The following FBXL14 variants were observed in gnomAD, a reference collection of about 807,000 sequenced individuals.
The protein encoded by FBXL14 is F-box and leucine rich repeat protein 14, also known as F-box/LRR-repeat protein 14.
Under a neutral mutation model 24.5 loss-of-function variants are expected in FBXL14, and 11 were observed. The ratio of observed to expected loss-of-function variants is 0.45; its 90% CI spans 0.28 to 0.74. FBXL14 has a LOEUF of 0.74. Ranked by LOEUF, FBXL14 falls within the 30% of genes least tolerant of loss-of-function variation. The probability of loss-of-function intolerance (pLI) is 0.12; values close to 1 mark genes in which losing one functional copy is unlikely to be tolerated. For missense variants in FBXL14, 384 were observed against 545.6 expected (o/e 0.70, Z 2.95); for synonymous variants, 294 against 240.4 (o/e 1.22, Z -2.06).
rs772443251 is a variant in FBXL14, at chr12:1,568,773, A to G, written c.1195-1963T>C. Among the ~76,000 whole-genome samples the G allele has an allele frequency of 3.1e-4, 47 of 152,136 alleles. 1 individual carries two copies. Among genetic ancestry groups the G allele is most frequent in the Non-Finnish European group, 6.0e-4 (41 of 68,026 alleles). Reference sequence around the variant, plus strand: ...CTACTCGCGAGGCTGAGGCAAGAGAATCACTTGAACCCAGGAGGTGGAGGT... The same window carrying G: ...CTACTCGCGAGGCTGAGGCAAGAGAGTCACTTGAACCCAGGAGGTGGAGGT... On this transcript the variant is annotated intron_variant, in intron 1 of 1. Transcript: ENST00000339235.
At chr12:1,586,106 TA>T (rs2094475880) in intron 1 of FBXL14, among the ~76,000 whole-genome samples, 1 of 152,138 alleles carries the variant, frequency 6.6e-6, no homozygotes, top group African/African-American at 2.4e-5. Flanking sequence ...TGAATAACCC[TA>T]TATAATGCTT....
rs143388925 is a variant in FBXL14 at position 1,567,681 on chromosome 12, T to C, written c.1195-871A>G. Among the ~76,000 whole-genome samples the C allele has an allele frequency of 5.9e-5, 9 of 152,080 alleles. No individual in the cohort carries two copies. The highest frequency in any genetic ancestry group is 2.2e-4 in the African/African-American group (9 of 41,492). On this transcript the variant is annotated intron_variant, in intron 1 of 1. Transcript: ENST00000339235. This position sits in a 1 kb window ranked among gnomAD's most constrained non-coding sequence, Gnocchi z 4.8. ...GCAGCATGCAGGAACAGGTGCGCAA[T>C]GAAAGCAGGGAGATGGGAATCTAAG...
chr12:1,582,261 GAGAA>G (rs1472814130), intron 1 of FBXL14, among the ~76,000 whole-genome samples: 3 of 152,134 alleles, frequency 2.0e-5, no homozygotes, highest in East Asian at 1.9e-4. Context: ...AGAAAAGAAA[GAGAA>G]AGAAAACGGA....
chr12:1,585,215 G>A (rs1240319887), intron 1 of FBXL14, among the ~76,000 whole-genome samples: 3 of 152,140 alleles, frequency 2.0e-5, no homozygotes, highest in African/African-American at 7.2e-5. Context: ...TGACTAACAT[G>A]GTGAAACCCC....
intron 1 of FBXL14, among the ~76,000 whole-genome samples, chr12:1,581,187 T>C (rs1016624994): frequency 1.4e-5 from 2 of 142,516 alleles, no homozygotes; most frequent in Non-Finnish European, 3.1e-5. Flanking sequence ...TGGAGTCCTT[T>C]AATGGGCGAA....
Position 1,593,557 on chromosome 12 carries a change from G to A in FBXL14, c.510C>T (p.Arg170=). 3 of 1,614,144 alleles carry A rather than the reference G, an allele frequency of 1.9e-6. No individual in the cohort carries two copies. Among genetic ancestry groups the A allele is most frequent in the Non-Finnish European group, 2.5e-6 (3 of 1,180,038 alleles). The change falls in exon 1 of 2, where the codon CGC becomes CGT. Residue 170 remains arginine, a synonymous_variant. Transcript: ENST00000339235. This position sits in a 1 kb window ranked among gnomAD's most constrained non-coding sequence, Gnocchi z 7.4. ...GLLLIAWGLQ[R]LKSLNLRSCR... is the part of the protein sequence containing the mutation. ...AGCTGCGGAGGTTAAGGCTCTTGAG[G>A]CGCTGCAGACCCCAGGCGATGAGCA...
Position 1,575,065 on chromosome 12 carries a change from T to G in FBXL14, c.1195-8255A>C, listed in dbSNP as rs575359107. Among the ~76,000 whole-genome samples, 4 of 152,318 alleles carry G rather than the reference T, an allele frequency of 2.6e-5. No individual in the cohort carries two copies. In the South Asian group the frequency reaches 6.2e-4, roughly 24 times the overall value. ...TCTGAAAAATATCTCTGCTTGTCTTTTATTTGCCCTTTAAAGTCTGTGCAA... is the reference window on the plus strand; with the variant it reads ...TCTGAAAAATATCTCTGCTTGTCTTGTATTTGCCCTTTAAAGTCTGTGCAA... On this transcript the variant is annotated intron_variant, in intron 1 of 1. Coordinates refer to ENST00000339235, the MANE Select transcript of FBXL14 (RefSeq NM_152441.3).
chr12:1,587,110 G>A (rs943869341), intron 1 of FBXL14, among the ~76,000 whole-genome samples: 7 of 152,018 alleles, frequency 4.6e-5, no homozygotes, highest in African/African-American at 1.5e-4. Context: ...GGTGGCACAC[G>A]CCTGTAATCC....
At chr12:1,580,383 C>G (rs1352637403) in intron 1 of FBXL14, among the ~76,000 whole-genome samples, 2 of 152,168 alleles carry the variant, frequency 1.3e-5, no homozygotes, top group Non-Finnish European at 2.9e-5. Context: ...CATATTGCTT[C>G]CAAACTCTCT....
Position 1,593,457 on chromosome 12 carries a change from G to A in FBXL14, c.610C>T (p.Leu204=). The A allele has an allele frequency of 6.2e-7, 1 of 1,614,048 alleles. No homozygotes were observed. Among genetic ancestry groups the A allele is most frequent in the Non-Finnish European group, 8.5e-7 (1 of 1,180,044 alleles). The part of the protein sequence containing the change: ...TRSAAEGCLG[L]EQLTLQDCQK... The stretch of plus-strand genomic sequence containing the variant: ...CAGTCCTGTAGCGTGAGCTGCTCCA[G>A]GCCCAGGCAGCCCTCCGCCGCGCTG... Residue 204 remains leucine (L), a synonymous_variant, in exon 1 of 2, where the codon CTG becomes TTG. Coordinates refer to ENST00000339235, the MANE Select transcript of FBXL14 (RefSeq NM_152441.3). The surrounding 1 kb of genome is among the most constrained non-coding windows in gnomAD (Gnocchi z 7.4).
chr12:1,568,887 CA>C (rs2094440666), intron 1 of FBXL14, among the ~76,000 whole-genome samples: 1 of 151,996 alleles, frequency 6.6e-6, no homozygotes, highest in African/African-American at 2.4e-5. Flanking sequence ...CATAGTGGGT[CA>C]AAAAATAAGA....
chr12:1,570,389 C>T (rs2094443412), intron 1 of FBXL14, among the ~76,000 whole-genome samples: 1 of 152,170 alleles, frequency 6.6e-6, no homozygotes, highest in South Asian at 2.1e-4. Context: ...AGGGAGCACT[C>T]ATCTCTGGCA....
intron 1 of FBXL14, among the ~76,000 whole-genome samples, chr12:1,578,321 T>C (rs1180212946): frequency 6.6e-6 from 1 of 152,242 alleles, no homozygotes; most frequent in African/African-American, 2.4e-5. Flanking sequence ...TGTTTTACTC[T>C]TCTAGTAGGA....
intron 1 of FBXL14, among the ~76,000 whole-genome samples, chr12:1,573,637 G>A (rs2094449369): frequency 6.6e-6 from 1 of 152,174 alleles, no homozygotes; most frequent in African/African-American, 2.4e-5. Context: ...TAAAGGGTGA[G>A]GAAGAGTTCT....
intron 1 of FBXL14, among the ~76,000 whole-genome samples, chr12:1,572,543 G>A (rs1028542427): frequency 6.6e-6 from 1 of 152,216 alleles, no homozygotes; most frequent in Non-Finnish European, 1.5e-5. Flanking sequence ...CAGGGGGCCC[G>A]CCCCATTCCC....
chr12:1,589,696 AAAGG>A (rs1441578931), intron 1 of FBXL14, among the ~76,000 whole-genome samples: 1 of 152,200 alleles, frequency 6.6e-6, no homozygotes, highest in Non-Finnish European at 1.5e-5. Context: ...TTCCATCCAA[AAAGG>A]TTGAGAGATG....
chr12:1,582,598 A>G (rs1415504079), intron 1 of FBXL14, among the ~76,000 whole-genome samples: 4 of 152,206 alleles, frequency 2.6e-5, no homozygotes, highest in Non-Finnish European at 5.9e-5. Flanking sequence ...TGCTTTCATA[A>G]GACCTTCACG....
At position 1,593,008 on chromosome 12, in the gene FBXL14, C is replaced by T. The variant is rs748969729; in HGVS notation, c.1059G>A (p.Glu353=). 8 of 1,612,442 alleles carry T rather than the reference C, an allele frequency of 5.0e-6. No individual in the cohort carries two copies. In the South Asian group the frequency reaches 8.8e-5, roughly 18 times the overall value. ...CTATGCCGGTGAGTTGGCTCAGGTG[C>T]TCAGCGATCAGCTCCAGGCCCTTGT... ...ITDKGLELIA[E]HLSQLTGIDL... is the part of the protein sequence containing the mutation. Residue 353 remains glutamate, a synonymous_variant, in exon 1 of 2, where the codon GAG becomes GAA. Coordinates refer to ENST00000339235, the MANE Select transcript of FBXL14 (RefSeq NM_152441.3). This position sits in a 1 kb window ranked among gnomAD's most constrained non-coding sequence, Gnocchi z 7.4.
At position 1,579,013 on chromosome 12, in the gene FBXL14, T is replaced by A. The variant is rs190144910; in HGVS notation, c.1195-12203A>T. On this transcript the variant is annotated intron_variant, in intron 1 of 1. Transcript: ENST00000339235. The surrounding 1 kb of genome is among the most constrained non-coding windows in gnomAD (Gnocchi z 4.3). Reference sequence around the variant, plus strand: ...CAACATTTTTGGGACAAGGAGCAGGTGTGCCTCAGCGAGCCTGTCATTATC... The same window carrying A: ...CAACATTTTTGGGACAAGGAGCAGGAGTGCCTCAGCGAGCCTGTCATTATC... Among the ~76,000 whole-genome samples the A allele has an allele frequency of 5.9e-5, 9 of 152,148 alleles. No homozygotes were observed. The highest frequency in any genetic ancestry group is 2.2e-4 in the African/African-American group (9 of 41,534).
Sources: gnomAD v4.1 joint callset for allele counts (sites outside exome capture counted in the v4.1 genomes callset) on GRCh38, gnomAD v4.1.1 for gene constraint, Gnocchi (gnomAD v3.1) non-coding constraint, MANE v1.5 for transcripts, NCBI Gene and HGNC (gene_info 2026-07-23, HGNC 2026-07-21) for gene names.